Variants in XIRP2 observed in about 807,000 individuals in gnomAD.
The protein encoded by XIRP2 is xin actin-binding repeat-containing protein 2.
XIRP2 carries 236 observed loss-of-function variants against 277.0 expected under a neutral mutation model. That is an observed-to-expected ratio of 0.85 (90% CI 0.77 to 0.95). XIRP2 has a LOEUF of 0.95. Among genes scored for constraint, XIRP2 ranks in the 40% least tolerant of loss-of-function variants. The pLI, the probability that XIRP2 is intolerant of heterozygous loss-of-function variation, is 0.00. For missense variants in XIRP2, 4,640 were observed against 4,157.5 expected, an observed-to-expected ratio of 1.12 and a Z score of -3.19; for synonymous variants, 1,490 against 1,416.5, an observed-to-expected ratio of 1.05 and a Z score of -1.17.
intron 2 of XIRP2, among the ~76,000 whole-genome samples, chr2:167,076,880 G>A (rs570038748): frequency 7.9e-5 from 12 of 152,184 alleles, no homozygotes; most frequent in African/African-American, 2.4e-4. Context: ...CTCTTAGGTC[G>A]GAGTGCAGTG....
chr2:166,940,836 T>A (rs2105382162), intron 2 of XIRP2, among the ~76,000 whole-genome samples: 1 of 152,258 alleles, frequency 6.6e-6, no homozygotes, highest in Middle Eastern at 3.4e-3. Flanking sequence ...CCTGGCCATG[T>A]GGGGTGTCAG....
At position 167,249,247 on chromosome 2, in the gene XIRP2, C is replaced by T. The variant is rs757561719; in HGVS notation, c.7855C>T (p.Arg2619Trp). ...QPSPGSQSNA[R>W]ILGVCSDNQL... ...CAGCCCAGGCTCTCAAAGTAATGCT[C>T]GGATACTAGGAGTGTGTTCTGATAA... The change falls in exon 9 of 11, where the codon CGG becomes TGG. Residue 2619 changes from arginine to tryptophan, a missense_variant. Transcript: ENST00000409195. 8.1e-6 allele frequency: 13 copies of T among 1,613,524 alleles called. No homozygotes were observed. Among genetic ancestry groups the T allele is most frequent in the South Asian group, 5.5e-5 (5 of 91,076 alleles).
At chr2:167,013,090 C>T (rs1687726676) in intron 2 of XIRP2, among the ~76,000 whole-genome samples, 3 of 151,248 alleles carry the variant, frequency 2.0e-5, no homozygotes, top group Non-Finnish European at 4.4e-5. Flanking sequence ...AAATTGTGTA[C>T]CCAAACTATA....
intron 2 of XIRP2, among the ~76,000 whole-genome samples, chr2:166,920,852 G>C (rs1685018982): frequency 6.6e-6 from 1 of 152,046 alleles, no homozygotes; most frequent in Non-Finnish European, 1.5e-5. Context: ...AGTTCCCACT[G>C]TCAGTTGGTG....
intron 2 of XIRP2, among the ~76,000 whole-genome samples, chr2:167,040,930 G>A (rs560602520): frequency 1.2e-4 from 18 of 152,238 alleles, no homozygotes; most frequent in Admixed American, 2.0e-4. Flanking sequence ...TTGCCACCAC[G>A]CTGTCCATGC....
chr2:167,195,156 C>T (rs1693463727), intron 3 of XIRP2, among the ~76,000 whole-genome samples: 1 of 152,182 alleles, frequency 6.6e-6, no homozygotes, highest in African/African-American at 2.4e-5. Flanking sequence ...ACTCTCCTCT[C>T]CTGGAGTTGT....
At chr2:167,170,097 T>C (rs1276314508) in intron 3 of XIRP2, among the ~76,000 whole-genome samples, 1 of 152,198 alleles carries the variant, frequency 6.6e-6, no homozygotes, top group Non-Finnish European at 1.5e-5. Context: ...GTTTTAATCA[T>C]AAGTGAGTAT....
intron 2 of XIRP2, among the ~76,000 whole-genome samples, chr2:167,067,640 T>TA (rs113070756): frequency 0.05 from 7,588 of 152,130 alleles, 457 homozygotes; most frequent in African/African-American, 0.14. Flanking sequence ...TATCTATTGC[T>TA]AAAAAATGCA....
rs73014201 is a variant in XIRP2, at chr2:167,088,838, A to C, written c.409-47071A>C. 7.2e-3 allele frequency among the ~76,000 whole-genome samples: 1,095 copies of C among 152,232 alleles called. 25 individuals carry two copies. The highest frequency in any genetic ancestry group is 0.025 in the African/African-American group (1,057 of 41,502). On this transcript the variant is annotated intron_variant, in intron 2 of 10. Coordinates refer to ENST00000409195, the MANE Select transcript of XIRP2 (RefSeq NM_152381.6). Reference sequence around the variant, plus strand: ...TAGCTTATACTTCACATTTTCTCAGAAAAGCATTCACTATGCCCCAAGATA... The same window carrying C: ...TAGCTTATACTTCACATTTTCTCAGCAAAGCATTCACTATGCCCCAAGATA...
intron 4 of XIRP2, among the ~76,000 whole-genome samples, chr2:167,217,381 C>G (rs1347696148): frequency 6.6e-6 from 1 of 152,056 alleles, no homozygotes; most frequent in African/African-American, 2.4e-5. Flanking sequence ...TTCTGACATG[C>G]CTGTGCTCAG....
chr2:167,046,079 C>G (rs1688781229), intron 2 of XIRP2, among the ~76,000 whole-genome samples: 4 of 151,938 alleles, frequency 2.6e-5, no homozygotes, highest in African/African-American at 4.8e-5. Context: ...TTTCACCTCC[C>G]TTGTTACCTG....
At chr2:167,117,375 T>C (rs1574269299) in intron 2 of XIRP2, among the ~76,000 whole-genome samples, 1 of 152,304 alleles carries the variant, frequency 6.6e-6, no homozygotes, top group South Asian at 2.1e-4. Context: ...GTCAACTTAA[T>C]CTTTGCAGAA....
In XIRP2 at chr2:167,144,227, G is replaced by A. The variant is rs192450635; in HGVS notation, c.562+8165G>A. Among the ~76,000 whole-genome samples the A allele has an allele frequency of 1.0e-3, 159 of 152,094 alleles. 1 individual carries two copies. The highest frequency in any genetic ancestry group is 1.0e-2 in the Admixed American group (152 of 15,266). The stretch of plus-strand genomic sequence containing the variant: ...CTCTTTGAGAAGTTACATTTACAAA[G>A]AGCCACGTGTTTCTATTTTTGGCTC... On this transcript the variant is annotated intron_variant, in intron 3 of 10. Coordinates refer to ENST00000409195, the MANE Select transcript of XIRP2 (RefSeq NM_152381.6).
chr2:167,142,803 A>G (rs2105324839), intron 3 of XIRP2, among the ~76,000 whole-genome samples: 1 of 152,246 alleles, frequency 6.6e-6, no homozygotes, highest in African/African-American at 2.4e-5. Flanking sequence ...GATGACAGGT[A>G]TTGGTGATAC....
At chr2:167,048,290 T>A (rs1255154926) in intron 2 of XIRP2, among the ~76,000 whole-genome samples, 1 of 151,992 alleles carries the variant, frequency 6.6e-6, no homozygotes, top group Non-Finnish European at 1.5e-5. Flanking sequence ...TCTGCAAAAC[T>A]CTCTTCAATA....
chr2:166,943,385 C>T (rs1685772497), intron 2 of XIRP2, among the ~76,000 whole-genome samples: 1 of 152,178 alleles, frequency 6.6e-6, no homozygotes, highest in South Asian at 2.1e-4. Flanking sequence ...TCTCTCTTTG[C>T]TTTCTCCTTG....
chr2:167,170,181 T>C (rs1378259403), intron 3 of XIRP2, among the ~76,000 whole-genome samples: 2 of 152,156 alleles, frequency 1.3e-5, no homozygotes, highest in Non-Finnish European at 2.9e-5. Flanking sequence ...AAATGATCTC[T>C]TTATTATATT....
rs758657719 is a variant in XIRP2, at chr2:167,257,959, G to A, written c.*142G>A. 12 of 1,612,888 alleles carry A rather than the reference G, an allele frequency of 7.4e-6. No homozygotes were observed. Among genetic ancestry groups the A allele is most frequent in the African/African-American group, 1.3e-5 (1 of 74,818 alleles). On this transcript the variant is annotated 3_prime_UTR_variant, in exon 11 of 11. Coordinates refer to ENST00000409195, the MANE Select transcript of XIRP2 (RefSeq NM_152381.6). Reference sequence around the variant, plus strand: ...ATTATGATGAAGGTTTTGGACATAAGCAGCATAAAGATAGATGGAACTGCA... The same window carrying A: ...ATTATGATGAAGGTTTTGGACATAAACAGCATAAAGATAGATGGAACTGCA...
intron 3 of XIRP2, among the ~76,000 whole-genome samples, chr2:167,170,902 T>A: frequency 7.0e-6 from 1 of 143,614 alleles, no homozygotes; most frequent in South Asian, 2.3e-4. Context: ...TTCTTTTTTT[T>A]TTTTTTTTTT....
Sources: allele counts gnomAD v4.1 joint callset (sites outside exome capture counted in the v4.1 genomes callset), GRCh38; gene constraint gnomAD v4.1.1; transcripts MANE v1.5; gene names NCBI Gene and HGNC (gene_info 2026-07-23, HGNC 2026-07-21).